The following ADSL variants were observed in gnomAD, a reference collection of about 807,000 sequenced individuals.
ADSL encodes adenylosuccinate lyase, also known as adenylosuccinase.
ADSL carries 44 observed loss-of-function variants against 62.1 expected under a neutral mutation model. That is an observed-to-expected ratio of 0.71 (90% CI 0.56 to 0.91). ADSL has a LOEUF of 0.91. ADSL is among the 40% of genes least tolerant of loss of function. The pLI is 0.00. For missense variants in ADSL, 531 were observed against 627.4 expected, an observed-to-expected ratio of 0.85 and a Z score of 1.64; for synonymous variants, 198 against 220.5, an observed-to-expected ratio of 0.90 and a Z score of 0.90.
intron 2 of ADSL, among the ~76,000 whole-genome samples, chr22:40,378,010 A>C (rs1236391639): frequency 1.3e-5 from 2 of 152,234 alleles, no homozygotes; most frequent in African/African-American, 2.4e-5. Flanking sequence ...ATTTCTGCCC[A>C]CGTTAAAGCC....
downstream of ADSL, chr22:40,372,648 C>A (rs544863956): frequency 6.6e-6 from 1 of 152,082 alleles, no homozygotes; most frequent in African/African-American, 2.4e-5. Flanking sequence ...GAAATGAACC[C>A]GACATTAGGG....
intron 1 of ADSL, among the ~76,000 whole-genome samples, chr22:40,349,559 G>C (rs2146621872): frequency 6.6e-6 from 1 of 152,036 alleles, no homozygotes; most frequent in African/African-American, 2.4e-5. Context: ...TATTTTAGTA[G>C]AGACAGGGTT....
At chr22:40,380,761 C>A (rs1456315399) in intron 2 of ADSL, among the ~76,000 whole-genome samples, 1 of 152,070 alleles carries the variant, frequency 6.6e-6, no homozygotes, top group Non-Finnish European at 1.5e-5. Context: ...CATAGTAAGA[C>A]CCTCTCTACA....
Position 40,361,279 on chromosome 22 carries a change from A to G in ADSL, c.799A>G (p.Thr267Ala). The G allele has an allele frequency of 6.2e-7, 1 of 1,614,074 alleles. No homozygotes were observed. The highest frequency in any genetic ancestry group is 8.5e-7 in the Non-Finnish European group (1 of 1,180,012). ...ATTCCCCTACCTCCCCCAGATTTGC[A>G]CCGACATACGCCTCCTGGCAAACCT... The part of the protein sequence containing the change: ...SLGASVHKIC[T>A]DIRLLANLKE... Residue 267 changes from threonine (T) to alanine (A), a missense_variant, in exon 8 of 13, where the codon ACC becomes GCC. By Grantham distance (58) the Thr-to-Ala change is moderately conservative. Around this residue, in one of 2 missense-constraint regions of ADSL, gnomAD observed 471 missense variants for 592.9 expected, o/e 0.79. Transcript: ENST00000623063.
At chr22:40,372,252 G>A (rs370146594), downstream of ADSL, among the ~76,000 whole-genome samples, 29 of 149,576 alleles carry the variant, frequency 1.9e-4, no homozygotes, top group South Asian at 6.0e-3. Flanking sequence ...TCAGCCTCCC[G>A]AGTAGCTGGG....
At chr22:40,356,873 A>G (rs148642041) in intron 4 of ADSL, among the ~76,000 whole-genome samples, 4 of 152,184 alleles carry the variant, frequency 2.6e-5, no homozygotes, top group Non-Finnish European at 5.9e-5. Context: ...CATTAGGGCA[A>G]CTTATTCATA....
At chr22:40,347,876 A>G (rs1454537732) in intron 1 of ADSL, among the ~76,000 whole-genome samples, 1 of 152,186 alleles carries the variant, frequency 6.6e-6, no homozygotes, top group Non-Finnish European at 1.5e-5. Context: ...GACCTTAATC[A>G]TGTGTTGTGG....
chr22:40,361,273 A>G lies in ADSL; in HGVS notation c.793A>G (p.Ile265Val). ...LASLGASVHK[I>V]CTDIRLLANL... Reference sequence around the variant, plus strand: ...ATGCTTATTCCCCTACCTCCCCCAGATTTGCACCGACATACGCCTCCTGGC... The same window carrying G: ...ATGCTTATTCCCCTACCTCCCCCAGGTTTGCACCGACATACGCCTCCTGGC... Residue 265 changes from isoleucine to valine, a missense_variant and splice_region_variant, in exon 8 of 13, where the codon ATT becomes GTT. Physicochemically the swap from Ile to Val is conservative, Grantham distance 29. Transcript: ENST00000623063. 6.2e-7 allele frequency: 1 copy of G among 1,614,034 alleles called. No individual in the cohort carries two copies. Among genetic ancestry groups the G allele is most frequent in the Non-Finnish European group, 8.5e-7 (1 of 1,179,988 alleles).
At chr22:40,375,307 T>C (rs918297586) in intron 2 of ADSL, among the ~76,000 whole-genome samples, 2 of 152,176 alleles carry the variant, frequency 1.3e-5, no homozygotes, top group African/African-American at 4.8e-5. Flanking sequence ...AGGCCGGTTG[T>C]GGTGGCTCAC....
At chr22:40,346,765 A>T in intron 1 of ADSL, 54 bp downstream of exon 1, 1 of 1,539,544 alleles carries the variant, frequency 6.5e-7, no homozygotes, top group Non-Finnish European at 8.7e-7. Flanking sequence ...CCGCCCCAGC[A>T]CGTGCCGGGC....
rs1601604234 is a variant in ADSL, at chr22:40,368,436, T to C, written c.*1914T>C. The C allele has an allele frequency of 6.6e-6, 1 of 151,900 alleles. No individual in the cohort carries two copies. The highest frequency in any genetic ancestry group is 1.5e-5 in the Non-Finnish European group (1 of 67,986). 9.4% of individuals were successfully genotyped at this position (151,900 alleles called of 1,614,324 possible). On this transcript the variant is annotated 3_prime_UTR_variant, in exon 13 of 13. Coordinates refer to ENST00000623063, the MANE Select transcript of ADSL (RefSeq NM_000026.4). ...ATAGGGTCACTTGAGCCCAAGAGTTTAGTCCAGGCTGGGTGACAGCGAGCC... is the reference window on the plus strand; with the variant it reads ...ATAGGGTCACTTGAGCCCAAGAGTTCAGTCCAGGCTGGGTGACAGCGAGCC...
At chr22:40,365,746 C>T (rs1297600740) in intron 12 of ADSL, among the ~76,000 whole-genome samples, 2 of 151,758 alleles carry the variant, frequency 1.3e-5, no homozygotes, top group Admixed American at 1.3e-4. Context: ...TGGTGTGCGC[C>T]TGTAGTCTCT....
chr22:40,349,672 C>T (rs924883565), intron 1 of ADSL, among the ~76,000 whole-genome samples, 160 bp from the exon 2 acceptor site: 2 of 152,184 alleles, frequency 1.3e-5, no homozygotes, highest in Admixed American at 6.5e-5. Context: ...CCCACTACCC[C>T]TGGCCAGTGT....
At chr22:40,374,420 T>C (rs2046190236) in intron 2 of ADSL, among the ~76,000 whole-genome samples, 1 of 152,200 alleles carries the variant, frequency 6.6e-6, no homozygotes, top group Non-Finnish European at 1.5e-5. Flanking sequence ...AGAGATGACA[T>C]GGTTGAAAGA....
At chr22:40,377,798 A>G (rs2046886043) in intron 2 of ADSL, among the ~76,000 whole-genome samples, 1 of 151,158 alleles carries the variant, frequency 6.6e-6, no homozygotes, top group South Asian at 2.1e-4. Context: ...GTGAGCTGTG[A>G]TCGTGCCACT....
At chr22:40,378,558 A>G (rs2047035086) in intron 2 of ADSL, among the ~76,000 whole-genome samples, 2 of 151,782 alleles carry the variant, frequency 1.3e-5, no homozygotes, top group Admixed American at 6.6e-5. Context: ...GCGAAACCCC[A>G]TCTCTACTAC....
chr22:40,362,398 G>A (rs1280194678), intron 9 of ADSL, among the ~76,000 whole-genome samples: 2 of 152,194 alleles, frequency 1.3e-5, no homozygotes, highest in Non-Finnish European at 2.9e-5. Flanking sequence ...TTAGCAAGGT[G>A]TGACCCTGTA....
At chr22:40,355,232 T>C (rs1045395327) in intron 4 of ADSL, among the ~76,000 whole-genome samples, 1 of 152,148 alleles carries the variant, frequency 6.6e-6, no homozygotes, top group African/African-American at 2.4e-5. Context: ...AACCTCTACG[T>C]CCTGGGTTCA....
chr22:40,356,394 G>A (rs1297075200), intron 4 of ADSL, among the ~76,000 whole-genome samples: 1 of 150,778 alleles, frequency 6.6e-6, no homozygotes, highest in East Asian at 2.0e-4. Flanking sequence ...AAATAGCTGG[G>A]TGTGGTGGCA....
Sources: allele counts gnomAD v4.1 joint callset (sites outside exome capture counted in the v4.1 genomes callset), GRCh38; gene constraint gnomAD v4.1.1; regional missense constraint gnomAD v4.1.1; transcripts MANE v1.5; gene names NCBI Gene and HGNC (gene_info 2026-07-23, HGNC 2026-07-21).